NAALADL2: variants seen among roughly 807,000 people sequenced by gnomAD.
NAALADL2 encodes the protein N-acetylated alpha-linked acidic dipeptidase like 2.
Under a neutral mutation model 87.2 loss-of-function variants are expected in NAALADL2, and 76 were observed. The observed-to-expected ratio is 0.87, with a 90% CI of 0.72 to 1.05. The LOEUF is 1.05. Ranked by LOEUF, NAALADL2 falls within the 50% of genes least tolerant of loss-of-function variation. The pLI, the probability that NAALADL2 is intolerant of heterozygous loss-of-function variation, is 0.00. For missense variants in NAALADL2, 1,089 were observed against 945.8 expected (o/e 1.15, Z -1.99); for synonymous variants, 354 against 331.0 (o/e 1.07, Z -0.75).
At chr3:175,286,213 A>G (rs556554082) in intron 4 of NAALADL2, among the ~76,000 whole-genome samples, 1 of 152,208 alleles carries the variant, frequency 6.6e-6, no homozygotes, top group Non-Finnish European at 1.5e-5. Flanking sequence ...GGAAAATGCT[A>G]TGGCAGTAAG....
chr3:175,785,565 TCCTC>T (rs1173091582), intron 13 of NAALADL2, among the ~76,000 whole-genome samples: 1 of 138,346 alleles, frequency 7.2e-6, no homozygotes, highest in African/African-American at 2.9e-5. Flanking sequence ...TGGTAGATCT[TCCTC>T]CATCCTTTTA....
intron 1 of NAALADL2, among the ~76,000 whole-genome samples, chr3:174,491,052 A>G (rs1177055476): frequency 1.3e-5 from 2 of 152,140 alleles, no homozygotes; most frequent in East Asian, 3.9e-4. Context: ...GCCATAAGTG[A>G]ATCACCATAT....
At chr3:175,466,716 T>C (rs2149278287) in intron 7 of NAALADL2, among the ~76,000 whole-genome samples, 1 of 152,302 alleles carries the variant, frequency 6.6e-6, no homozygotes, top group East Asian at 1.9e-4. Flanking sequence ...TTTACATGCT[T>C]CATTAATTAA....
Position 174,815,117 on chromosome 3 carries a change from G to T in NAALADL2, c.-9+77371G>T, listed in dbSNP as rs757881860. Among the ~76,000 whole-genome samples the T allele has an allele frequency of 2.6e-3, 402 of 152,288 alleles. 2 individuals carry two copies. Among genetic ancestry groups the T allele is most frequent in the Non-Finnish European group, 4.0e-3 (270 of 68,014 alleles). On this transcript the variant is annotated intron_variant, in intron 3 of 3. Coordinates refer to the NAALADL2 transcript ENST00000434257. Reference sequence around the variant, plus strand: ...CTGGTTCTAGTTTTATAGCATCCTTGGGCTCACTTCTCTGTAGAAGTAAGT... The same window carrying T: ...CTGGTTCTAGTTTTATAGCATCCTTTGGCTCACTTCTCTGTAGAAGTAAGT...
chr3:175,313,588 T>G (rs1426051994), intron 4 of NAALADL2, among the ~76,000 whole-genome samples: 2 of 152,156 alleles, frequency 1.3e-5, no homozygotes, highest in South Asian at 4.1e-4. Flanking sequence ...AGAAGGCAAT[T>G]TAGGAGCATC....
intron 12 of NAALADL2, among the ~76,000 whole-genome samples, chr3:175,754,332 G>C (rs1746979182): frequency 6.6e-6 from 1 of 152,128 alleles, no homozygotes; most frequent in African/African-American, 2.4e-5. Context: ...GAGTTCAGCG[G>C]ACAACTATAC....
chr3:174,790,084 C>G (rs1430298651), intron 3 of NAALADL2, among the ~76,000 whole-genome samples: 2 of 152,178 alleles, frequency 1.3e-5, no homozygotes, highest in Non-Finnish European at 2.9e-5. Flanking sequence ...GGGAGAGGGT[C>G]TAAGACAATT....
At chr3:175,772,276 T>G (rs79745904) in intron 13 of NAALADL2, among the ~76,000 whole-genome samples, 3,702 of 152,186 alleles carry the variant, frequency 0.024, 159 homozygotes, top group African/African-American at 0.084. Flanking sequence ...TATTTTTTTT[T>G]TTGTTGCAAT....
intron 1 of NAALADL2, among the ~76,000 whole-genome samples, chr3:174,887,248 T>C (rs1180969884): frequency 6.7e-6 from 1 of 149,028 alleles, no homozygotes; most frequent in Non-Finnish European, 1.5e-5. Flanking sequence ...ATTAGTTAAA[T>C]GTAATTTAGA....
At chr3:174,575,330 A>G (rs1715403150) in intron 2 of NAALADL2, among the ~76,000 whole-genome samples, 1 of 152,144 alleles carries the variant, frequency 6.6e-6, no homozygotes, top group Non-Finnish European at 1.5e-5. Context: ...TACCTAAAAT[A>G]TACATTGCTG....
intron 1 of NAALADL2, among the ~76,000 whole-genome samples, chr3:174,927,835 A>G (rs1179872990): frequency 6.6e-6 from 1 of 152,222 alleles, no homozygotes; most frequent in East Asian, 1.9e-4. Context: ...AAAAGCTAGC[A>G]GAAGGCAGGA....
chr3:175,636,125 C>A (rs556872507), intron 11 of NAALADL2, among the ~76,000 whole-genome samples: 1 of 152,118 alleles, frequency 6.6e-6, no homozygotes, highest in East Asian at 1.9e-4. Flanking sequence ...ATGATATGGG[C>A]TAATTAATGG....
intron 2 of NAALADL2, among the ~76,000 whole-genome samples, chr3:175,097,907 T>C (rs548456088): frequency 2.6e-5 from 4 of 152,280 alleles, no homozygotes; most frequent in African/African-American, 9.6e-5. Context: ...ATCATGTACG[T>C]TGTTTGTAGG....
At chr3:175,249,151 T>C (rs1748549330) in intron 3 of NAALADL2, among the ~76,000 whole-genome samples, 1 of 152,174 alleles carries the variant, frequency 6.6e-6, no homozygotes, top group African/African-American at 2.4e-5. Flanking sequence ...TCGATCAGTT[T>C]GAAAAGTTTT....
At chr3:175,483,139 A>G (rs56655207) in intron 9 of NAALADL2, among the ~76,000 whole-genome samples, 14,133 of 151,912 alleles carry the variant, frequency 0.093, 850 homozygotes, top group East Asian at 0.26. Context: ...TGTGTTATAT[A>G]TAATAACATA....
intron 9 of NAALADL2, among the ~76,000 whole-genome samples, chr3:175,558,194 C>CAA (rs71164638): frequency 1.3e-3 from 110 of 81,862 alleles, no homozygotes; most frequent in African/African-American, 1.8e-3. Flanking sequence ...GACCCCGTCT[C>CAA]AAAAAAAAAA....
chr3:174,908,887 A>G (rs930859670), intron 1 of NAALADL2, among the ~76,000 whole-genome samples: 2 of 152,184 alleles, frequency 1.3e-5, no homozygotes, highest in South Asian at 2.1e-4. Flanking sequence ...TTAAAGAAGA[A>G]AAGGAATCCG....
intron 1 of NAALADL2, among the ~76,000 whole-genome samples, chr3:174,503,691 G>A (rs1719040483): frequency 6.6e-6 from 1 of 152,030 alleles, no homozygotes; most frequent in Non-Finnish European, 1.5e-5. Flanking sequence ...CTAAAAGCCT[G>A]CAATTTAGAA....
intron 9 of NAALADL2, among the ~76,000 whole-genome samples, chr3:175,536,633 G>A (rs1734851892): frequency 6.6e-6 from 1 of 151,690 alleles, no homozygotes; most frequent in Non-Finnish European, 1.5e-5. Context: ...CCTTTGTATT[G>A]CTAATTTAAA....
Sources: allele counts gnomAD v4.1 joint callset (sites outside exome capture counted in the v4.1 genomes callset), GRCh38; gene constraint gnomAD v4.1.1; transcripts MANE v1.5; gene names NCBI Gene and HGNC (gene_info 2026-07-23, HGNC 2026-07-21).